The following FMN2 variants were observed in gnomAD, a reference collection of about 807,000 sequenced individuals.
FMN2 encodes formin-2.
In FMN2, 51 loss-of-function variants were observed where a neutral mutation model predicts 142.3. The observed-to-expected ratio is 0.36, with a 90% CI of 0.29 to 0.45. The LOEUF is 0.45. Among genes scored for constraint, FMN2 ranks in the 20% least tolerant of loss-of-function variants. The probability of loss-of-function intolerance (pLI) is 1.00; values close to 1 mark genes in which losing one functional copy is unlikely to be tolerated. For missense variants in FMN2, 1,936 were observed against 2,122.8 expected (o/e 0.91, Z 1.73); for synonymous variants, 882 against 869.8 (o/e 1.01, Z -0.25).
At chr1:240,371,509 G>A (rs1672866067) in intron 14 of FMN2, among the ~76,000 whole-genome samples, 2 of 152,122 alleles carry the variant, frequency 1.3e-5, no homozygotes, top group Admixed American at 6.5e-5. Context: ...CAGAAACTGA[G>A]TTCAAGACTA....
At chr1:240,226,799 A>G (rs114236785) in intron 6 of FMN2, among the ~76,000 whole-genome samples, 192 of 144,938 alleles carry the variant, frequency 1.3e-3, no homozygotes, top group African/African-American at 4.8e-3. Context: ...CAAATCGTAT[A>G]CACTTTAGTG....
At chr1:240,468,764 A>G (rs955427474) in intron 16 of FMN2, among the ~76,000 whole-genome samples, 7 of 152,166 alleles carry the variant, frequency 4.6e-5, no homozygotes, top group Non-Finnish European at 5.9e-5. Flanking sequence ...CAGTTACTCA[A>G]TAGACTCAGA....
intron 1 of FMN2, among the ~76,000 whole-genome samples, chr1:240,120,334 A>G (rs1175204044): frequency 2.0e-5 from 3 of 152,250 alleles, no homozygotes; most frequent in Non-Finnish European, 4.4e-5. Flanking sequence ...TGCTCAAAAC[A>G]AAATTAAACC....
chr1:240,438,119 T>C lies in FMN2; in HGVS notation c.4969T>C (p.Ser1657Pro). The C allele has an allele frequency of 6.2e-7, 1 of 1,614,086 alleles. No homozygotes were observed. The highest frequency in any genetic ancestry group is 8.5e-7 in the Non-Finnish European group (1 of 1,179,990). ...ACCAAAACTTGGAGAGAAGGAGGTG[T>C]CCCCAAATGCTTTCTTCAGTATCTG... ...MKPKLGEKEV[S>P]PNAFFSIWHE... is the part of the protein sequence containing the mutation. Residue 1657 changes from serine to proline, a missense_variant, in exon 16 of 18, where the codon TCC (serine) becomes CCC (proline). Physicochemically the swap from Ser to Pro is moderately conservative, Grantham distance 74. Transcript: ENST00000319653.
intron 15 of FMN2, among the ~76,000 whole-genome samples, chr1:240,419,589 G>A (rs963725915): frequency 2.6e-5 from 4 of 152,136 alleles, no homozygotes; most frequent in African/African-American, 9.7e-5. Flanking sequence ...GTGGGTCTCT[G>A]GAAATCAGTG....
chr1:240,158,692 C>G lies in FMN2; in HGVS notation c.1783-19229C>G, dbSNP rs143253353. ...GTTAGTATGTTACTGACCAAGTGCA[C>G]CAGTCCTGCATTTTGTGTCGAACTG... On this transcript the variant is annotated intron_variant, in intron 2 of 17. Coordinates refer to ENST00000319653, the MANE Select transcript of FMN2 (RefSeq NM_020066.5). 2.8e-3 allele frequency among the ~76,000 whole-genome samples: 420 copies of G among 152,252 alleles called. 1 individual carries two copies. The highest frequency in any genetic ancestry group is 4.9e-3 in the Non-Finnish European group (331 of 68,018).
chr1:240,113,557 CAAAAA>C (rs34741987), intron 1 of FMN2, among the ~76,000 whole-genome samples: 2 of 88,478 alleles, frequency 2.3e-5, no homozygotes, highest in African/African-American at 4.7e-5. Flanking sequence ...GACTCCGTCT[CAAAAA>C]AAAAAAAAAA....
intron 16 of FMN2, among the ~76,000 whole-genome samples, chr1:240,443,635 C>G (rs11801336): frequency 0.014 from 2,183 of 152,252 alleles, 22 homozygotes; most frequent in Non-Finnish European, 0.022. Flanking sequence ...TGCCTGTAAT[C>G]CCAGCTACTC....
At chr1:240,293,316 G>T (rs2102957965) in intron 7 of FMN2, among the ~76,000 whole-genome samples, 1 of 152,200 alleles carries the variant, frequency 6.6e-6, no homozygotes, top group South Asian at 2.1e-4. Flanking sequence ...ACACCAAGTT[G>T]ACCCCTTGCA....
intron 13 of FMN2, among the ~76,000 whole-genome samples, chr1:240,340,895 A>G (rs1671720454): frequency 6.6e-6 from 1 of 152,152 alleles, no homozygotes; most frequent in Non-Finnish European, 1.5e-5. Flanking sequence ...TAATGTGTAG[A>G]AAAATTTCTC....
intron 15 of FMN2, among the ~76,000 whole-genome samples, chr1:240,437,288 C>T (rs28617487): frequency 7.5e-6 from 1 of 132,806 alleles, no homozygotes; most frequent in Non-Finnish European, 1.5e-5. Context: ...GTCAGCATCT[C>T]TTGCTTTTTT....
intron 3 of FMN2, among the ~76,000 whole-genome samples, chr1:240,184,710 TG>T (rs901089278): frequency 6.6e-6 from 1 of 151,878 alleles, no homozygotes; most frequent in Non-Finnish European, 1.5e-5. Flanking sequence ...AGGCAATTCC[TG>T]AAAGTGCCCT....
intron 15 of FMN2, among the ~76,000 whole-genome samples, chr1:240,415,194 TACTA>T (rs1450910096): frequency 6.6e-6 from 1 of 152,198 alleles, no homozygotes; most frequent in African/African-American, 2.4e-5. Flanking sequence ...CACCACGGAA[TACTA>T]TGCAGCCATA....
intron 1 of FMN2, among the ~76,000 whole-genome samples, chr1:240,104,124 C>T (rs1661518106): frequency 6.6e-6 from 1 of 151,102 alleles, no homozygotes. Context: ...GTGATCCGCC[C>T]GCCTCAGCCT....
intron 15 of FMN2, among the ~76,000 whole-genome samples, chr1:240,431,680 A>AATG (rs1558487667): frequency 6.6e-6 from 1 of 151,468 alleles, no homozygotes; most frequent in Non-Finnish European, 1.5e-5. Context: ...TTGTAATAAT[A>AATG]AACTGGTGTT....
rs780348053 is a variant in FMN2, at chr1:240,329,406, A to G, written c.4375A>G (p.Thr1459Ala). Residue 1459 changes from threonine (T) to alanine (A), a missense_variant, in exon 10 of 18, where the codon ACA (threonine) becomes GCA (alanine). This residue lies in a region of FMN2 where 322 missense variants were observed against 401.6 expected (regional missense o/e 0.80). Coordinates refer to ENST00000319653, the MANE Select transcript of FMN2 (RefSeq NM_020066.5). Reference protein sequence around the residue: ...ERVFCILFQSTFSESICSIRR... With the variant: ...ERVFCILFQSAFSESICSIRR... ...AGTCTTTTGCATCCTGTTCCAGTCC[A>G]CATTTTCAGAAAGCATTTGCTCAAT... 2.0e-5 allele frequency: 33 copies of G among 1,613,944 alleles called. No individual in the cohort carries two copies. The highest frequency in any genetic ancestry group is 2.6e-5 in the Non-Finnish European group (31 of 1,179,968).
intron 1 of FMN2, among the ~76,000 whole-genome samples, chr1:240,094,131 G>A (rs1360028189): frequency 6.6e-6 from 1 of 152,030 alleles, no homozygotes; most frequent in Non-Finnish European, 1.5e-5. Context: ...TGGTTCTTTC[G>A]CAAGAGTCGG....
chr1:240,408,692 T>C (rs1674294045), intron 15 of FMN2, among the ~76,000 whole-genome samples: 1 of 152,134 alleles, frequency 6.6e-6, no homozygotes, highest in Admixed American at 6.5e-5. Flanking sequence ...AAAATAACCA[T>C]AAAATTATTT....
At chr1:240,236,475 T>A (rs756279494) in intron 6 of FMN2, among the ~76,000 whole-genome samples, 1 of 152,194 alleles carries the variant, frequency 6.6e-6, no homozygotes, top group Non-Finnish European at 1.5e-5. Context: ...AAGAAATACC[T>A]GGGACTGGGT....
Sources: allele counts gnomAD v4.1 joint callset (sites outside exome capture counted in the v4.1 genomes callset), GRCh38; gene constraint gnomAD v4.1.1; regional missense constraint gnomAD v4.1.1; transcripts MANE v1.5; gene names NCBI Gene and HGNC (gene_info 2026-07-23, HGNC 2026-07-21).